Variants in FRMD1 observed in about 807,000 individuals in gnomAD.
The protein encoded by FRMD1 is FERM domain containing 1, also known as FERM domain-containing protein 1.
FRMD1 carries 51 observed loss-of-function variants against 54.9 expected under a neutral mutation model. The observed-to-expected ratio is 0.93, with a 90% CI of 0.74 to 1.17. The LOEUF is 1.17. Among genes scored for constraint, FRMD1 ranks in the 50% most tolerant of loss-of-function variants. The pLI is 0.00. For synonymous variants in FRMD1, 324 were observed against 306.4 expected (o/e 1.06, Z -0.60); for missense variants, 729 against 743.0 (o/e 0.98, Z 0.22).
chr6:168,088,515 C>T (rs1171402228), intron 1 of FRMD1, among the ~76,000 whole-genome samples: 5 of 152,322 alleles, frequency 3.3e-5, no homozygotes, highest in East Asian at 1.9e-4. Context: ...CATAAACACT[C>T]GCCTTGTGGG....
Position 168,060,780 on chromosome 6 carries a change from G to A in FRMD1, c.1323C>T (p.Ser441=), listed in dbSNP as rs750534070. ...SSPRTSRSHP[S]TRGDSQATRQ... ...GCCCACCTTGGCTGTCACCACGTGT[G>A]CTGGGGTGGCTGCGGCTGGTCCTGG... The change falls in exon 9 of 11, where the codon AGC becomes AGT. Residue 441 remains serine (S), a synonymous_variant. Transcript: ENST00000283309. 2 of 1,611,328 alleles carry A rather than the reference G, an allele frequency of 1.2e-6. No homozygotes were observed. The highest frequency in any genetic ancestry group is 2.7e-5 in the African/African-American group (2 of 75,018).
chr6:168,062,642 C>G (rs1175299422), intron 7 of FRMD1: 19 of 1,547,520 alleles, frequency 1.2e-5, no homozygotes, highest in Middle Eastern at 1.7e-4. Context: ...CCAGGCTTTC[C>G]AGGGCACGGG....
At chr6:168,068,009 G>A (rs1262040852) in intron 2 of FRMD1, among the ~76,000 whole-genome samples, 1 of 152,138 alleles carries the variant, frequency 6.6e-6, no homozygotes, top group East Asian at 1.9e-4. Context: ...CTACTCAGGG[G>A]GCTGAGGCAG....
intron 8 of FRMD1, 93 bp from the exon 9 acceptor site, chr6:168,061,150 C>T (rs1799710158): frequency 7.8e-7 from 1 of 1,281,602 alleles, no homozygotes; most frequent in Non-Finnish European, 1.1e-6. Flanking sequence ...AAATGCACAC[C>T]CACAGCCCAG....
At position 168,063,640 on chromosome 6, in the gene FRMD1, C is replaced by G. The variant is rs1398284004; in HGVS notation, c.765G>C (p.Arg255=). ...AGAAGTGCACGGGCACGTCCTCCAG[C>G]CGGCAGGCCTCCTGGATGAAGCACA... The part of the protein sequence containing the change: ...AMLCFIQEAC[R]LEDVPVHFFR... Residue 255 remains arginine, a synonymous_variant, in exon 6 of 11, where the codon CGG becomes CGC. Transcript: ENST00000283309. 2 of 1,613,504 alleles carry G rather than the reference C, an allele frequency of 1.2e-6. No individual in the cohort carries two copies. The highest frequency in any genetic ancestry group is 2.2e-5 in the South Asian group (2 of 91,040).
intron 7 of FRMD1, 150 bp from the exon 8 acceptor site, chr6:168,062,131 G>C: frequency 1.2e-6 from 1 of 816,102 alleles, no homozygotes; most frequent in Non-Finnish European, 1.9e-6. Context: ...CGGACACTGT[G>C]CGCGGACACT....
upstream of FRMD1, among the ~76,000 whole-genome samples, chr6:168,082,904 ACCCCAGTTCTT>A (rs1800860073): frequency 6.6e-6 from 1 of 151,886 alleles, no homozygotes; most frequent in Admixed American, 6.6e-5. Context: ...GGTGCTCCCC[ACCCCAGTTCTT>A]CCCCAGGCAC....
chr6:168,070,179 G>A (rs1800227461), intron 2 of FRMD1, among the ~76,000 whole-genome samples: 1 of 151,362 alleles, frequency 6.6e-6, no homozygotes, highest in Non-Finnish European at 1.5e-5. Context: ...CAGCCTGGGT[G>A]GCAGAGTGAG....
At chr6:168,081,890 G>A (rs562699803), upstream of FRMD1, 181 of 209,014 alleles carry the variant, frequency 8.7e-4, no homozygotes, top group Non-Finnish European at 1.4e-3. Flanking sequence ...TTTCGCTTTA[G>A]AGGAATATAT....
chr6:168,066,367 G>A (rs1448884673), intron 4 of FRMD1: 18 of 463,448 alleles, frequency 3.9e-5, no homozygotes, highest in African/African-American at 2.3e-4. Flanking sequence ...GTGTGGTGGC[G>A]CCCGCCTGTA....
At chr6:168,067,308 G>A (rs547895750) in intron 3 of FRMD1, 59 bp downstream of exon 3, 25 of 1,062,676 alleles carry the variant, frequency 2.4e-5, no homozygotes, top group Admixed American at 1.0e-4. Flanking sequence ...ACGTGTCCCC[G>A]TGGCCCAGCA....
intron 6 of FRMD1, 51 bp downstream of exon 6, chr6:168,063,550 C>T: frequency 6.5e-7 from 1 of 1,547,150 alleles, no homozygotes; most frequent in Non-Finnish European, 8.7e-7. Context: ...CTCCGTGCAT[C>T]CCTGGCCTGG....
At chr6:168,083,528 C>T (rs1411622869), upstream of FRMD1, among the ~76,000 whole-genome samples, 1 of 152,240 alleles carries the variant, frequency 6.6e-6, no homozygotes, top group Non-Finnish European at 1.5e-5. Context: ...CAAATTAACC[C>T]CAACGGGAAA....
chr6:168,062,126 A>G, intron 7 of FRMD1, 145 bp from the exon 8 acceptor site: 1 of 844,680 alleles, frequency 1.2e-6, no homozygotes, highest in Non-Finnish European at 1.8e-6. Context: ...GTTGGCGGAC[A>G]CTGTGCGCGG....
At chr6:168,092,603 G>C (rs1430104000) in intron 1 of FRMD1, among the ~76,000 whole-genome samples, 1 of 151,218 alleles carries the variant, frequency 6.6e-6, no homozygotes, top group Non-Finnish European at 1.5e-5. Context: ...CATCATGTGA[G>C]GACACTGCAA....
intron 8 of FRMD1, among the ~76,000 whole-genome samples, chr6:168,061,423 T>A (rs557123345): frequency 6.6e-6 from 1 of 151,436 alleles, no homozygotes; most frequent in Non-Finnish European, 1.5e-5. Flanking sequence ...AGGCCAGGCC[T>A]TGTGCTCAGG....
intron 2 of FRMD1, among the ~76,000 whole-genome samples, chr6:168,074,891 G>GTGCATGTGTGTGGTGCGTAAC (rs1562425872): frequency 2.1e-4 from 2 of 9,504 alleles, no homozygotes; most frequent in Non-Finnish European, 5.9e-4. Flanking sequence ...GTGCGTAACT[G>GTGCATGTGTGTGGTGCGTAAC]TGTGCATGTG....
Position 168,059,265 on chromosome 6 carries a change from A to T in FRMD1, c.1343-77T>A, listed in dbSNP as rs1799592998. 8.0e-7 allele frequency: 1 copy of T among 1,257,466 alleles called. No individual in the cohort carries two copies. Among genetic ancestry groups the T allele is most frequent in the East Asian group, 2.5e-5 (1 of 39,268 alleles). The allele number at this position is 1,257,466 out of a possible 1,614,324, so 77.9% of individuals were successfully genotyped here. A position where few individuals can be genotyped will look rare whatever the true frequency, so the allele number is the denominator to read the frequency against. On this transcript the variant is annotated intron_variant, in intron 9 of 10. Transcript: ENST00000283309. This position sits in a 1 kb window ranked among gnomAD's most constrained non-coding sequence, Gnocchi z 4.4. ...GCTCCTCCCCAGGGCAGTTCCCTGC[A>T]CTTCTGGGGCCCTGGTCTCGGACCG...
intron 9 of FRMD1, among the ~76,000 whole-genome samples, chr6:168,060,271 A>C (rs1799651097): frequency 9.6e-6 from 1 of 104,570 alleles, no homozygotes; most frequent in African/African-American, 3.8e-5. Context: ...TTCCTGGGAG[A>C]GGGAGGGGCT....
Sources: allele counts gnomAD v4.1 joint callset (sites outside exome capture counted in the v4.1 genomes callset), GRCh38; gene constraint gnomAD v4.1.1; non-coding constraint Gnocchi (gnomAD v3.1); transcripts MANE v1.5; gene names NCBI Gene and HGNC (gene_info 2026-07-23, HGNC 2026-07-21).